CAMK2D: variants seen among roughly 807,000 people sequenced by gnomAD.
The protein encoded by CAMK2D is calcium/calmodulin dependent protein kinase II delta.
In CAMK2D, 37 loss-of-function variants were observed where a neutral mutation model predicts 84.0. The ratio of observed to expected loss-of-function variants is 0.44; its 90% CI spans 0.34 to 0.58. The LOEUF (loss-of-function observed/expected upper bound fraction) is 0.58. CAMK2D is among the 20% of genes least tolerant of loss of function. The pLI, the probability that CAMK2D is intolerant of heterozygous loss-of-function variation, is 0.02. For missense variants in CAMK2D, 448 were observed against 652.5 expected, an observed-to-expected ratio of 0.69 and a Z score of 3.41; for synonymous variants, 202 against 212.5, an observed-to-expected ratio of 0.95 and a Z score of 0.43.
intron 2 of CAMK2D, among the ~76,000 whole-genome samples, chr4:113,703,505 T>C (rs886602061): frequency 6.6e-6 from 1 of 152,138 alleles, no homozygotes; most frequent in Non-Finnish European, 1.5e-5. Context: ...TTTTTATTTG[T>C]AGAGATGCGG....
chr4:113,742,582 T>C (rs1170854807), intron 2 of CAMK2D, among the ~76,000 whole-genome samples: 2 of 151,712 alleles, frequency 1.3e-5, no homozygotes, highest in East Asian at 1.9e-4. Flanking sequence ...TTTTTTTTTT[T>C]CCTCAAGGAG....
chr4:113,592,614 G>C (rs534814467), intron 4 of CAMK2D, among the ~76,000 whole-genome samples: 1 of 152,116 alleles, frequency 6.6e-6, no homozygotes, highest in African/African-American at 2.4e-5. Flanking sequence ...AATGGAGTAT[G>C]ATTTTTTTTA....
chr4:113,487,158 A>G (rs931242083), intron 16 of CAMK2D, among the ~76,000 whole-genome samples: 2 of 152,076 alleles, frequency 1.3e-5, no homozygotes, highest in Non-Finnish European at 2.9e-5. Context: ...TTACTTTATC[A>G]TCTATCATAT....
At chr4:113,527,822 C>T (rs186124620) in intron 8 of CAMK2D, among the ~76,000 whole-genome samples, 1 of 152,170 alleles carries the variant, frequency 6.6e-6, no homozygotes, top group Non-Finnish European at 1.5e-5. Context: ...TTGATATTTA[C>T]AGATATACAA....
chr4:113,547,736 G>A lies in CAMK2D; in HGVS notation c.342-20C>T. 5 of 1,514,906 alleles carry A rather than the reference G, an allele frequency of 3.3e-6. No homozygotes were observed. Among genetic ancestry groups the A allele is most frequent in the Non-Finnish European group, 4.4e-6 (5 of 1,126,928 alleles). The allele number at this position is 1,514,906 out of a possible 1,614,324, so 93.8% of individuals were successfully genotyped here. The stretch of plus-strand genomic sequence containing the variant: ...CAATGACTGCATGCAAACACCAGGG[G>A]GCGTGTGTTAGTTCCAAGCTTACAC... On this transcript the variant is annotated intron_variant, in intron 5 of 20. Transcript: ENST00000511664.
intron 2 of CAMK2D, among the ~76,000 whole-genome samples, chr4:113,665,919 T>A (rs956084696): frequency 2.6e-5 from 4 of 152,206 alleles, no homozygotes; most frequent in Non-Finnish European, 4.4e-5. Context: ...GTAGAAAGAC[T>A]TTTGGATTTT....
In CAMK2D at chr4:113,728,773, A is replaced by G. The variant is rs190692439; in HGVS notation, c.160+30547T>C. Reference sequence around the variant, plus strand: ...TTTTCTTATTTTCAACATGGAAATAATAACAGCACATATGTCACAGGATTT... The same window carrying G: ...TTTTCTTATTTTCAACATGGAAATAGTAACAGCACATATGTCACAGGATTT... On this transcript the variant is annotated intron_variant, in intron 2 of 20. Coordinates refer to ENST00000511664, the MANE Select transcript of CAMK2D (RefSeq NM_001321571.2). Among the ~76,000 whole-genome samples, 11 of 152,318 alleles carry G rather than the reference A, an allele frequency of 7.2e-5. No homozygotes were observed. The East Asian group carries it at 1.3e-3, about 19-fold the overall frequency.
chr4:113,691,702 G>A (rs143659844), intron 2 of CAMK2D, among the ~76,000 whole-genome samples: 318 of 152,138 alleles, frequency 2.1e-3, no homozygotes, highest in Non-Finnish European at 3.4e-3. Flanking sequence ...GCAGTGAGCT[G>A]AGATCACACC....
intron 16 of CAMK2D, among the ~76,000 whole-genome samples, chr4:113,481,043 A>T (rs2097695416): frequency 6.6e-6 from 1 of 152,222 alleles, no homozygotes; most frequent in Admixed American, 6.5e-5. Context: ...CCAGTCTGTG[A>T]TATTTTGTTA....
intron 6 of CAMK2D, among the ~76,000 whole-genome samples, chr4:113,541,419 CAT>C (rs147864074): frequency 6.6e-6 from 1 of 152,234 alleles, no homozygotes; most frequent in Non-Finnish European, 1.5e-5. Context: ...ATGAAAAAAA[CAT>C]AGTTTTAACC....
intron 6 of CAMK2D, among the ~76,000 whole-genome samples, chr4:113,542,959 G>A (rs2098541058): frequency 6.6e-6 from 1 of 152,134 alleles, no homozygotes. Flanking sequence ...AGTAAAGGCA[G>A]CATTCTCTGC....
At chr4:113,506,391 T>C (rs577319213) in intron 13 of CAMK2D, among the ~76,000 whole-genome samples, 2 of 152,348 alleles carry the variant, frequency 1.3e-5, no homozygotes, top group African/African-American at 4.8e-5. Flanking sequence ...TTCTAAACTT[T>C]CCTTTACTGG....
At position 113,664,123 on chromosome 4, in the gene CAMK2D, C is replaced by T. The variant is rs190202154; in HGVS notation, c.161-2351G>A. Among the ~76,000 whole-genome samples the T allele has an allele frequency of 7.2e-5, 11 of 152,294 alleles. No individual in the cohort carries two copies. In the East Asian group the frequency reaches 1.4e-3, roughly 19 times the overall value. On this transcript the variant is annotated intron_variant, in intron 2 of 20. Transcript: ENST00000511664. Reference sequence around the variant, plus strand: ...GGAGAAAAGCCTCAGAAGAAATCAACGCTTCTGACACCTTCATCTTAGACT... The same window carrying T: ...GGAGAAAAGCCTCAGAAGAAATCAATGCTTCTGACACCTTCATCTTAGACT...
At chr4:113,556,045 C>T (rs143732216) in intron 4 of CAMK2D, among the ~76,000 whole-genome samples, 61 of 152,278 alleles carry the variant, frequency 4.0e-4, no homozygotes, top group African/African-American at 1.5e-3. Flanking sequence ...GCCTTCAGGA[C>T]TGTGAGAAAT....
chr4:113,504,509 A>C (rs2098100594), intron 14 of CAMK2D, among the ~76,000 whole-genome samples: 2 of 152,226 alleles, frequency 1.3e-5, no homozygotes, highest in Non-Finnish European at 2.9e-5. Context: ...TTTTAATAAG[A>C]GGGAAACGAG....
At chr4:113,499,695 G>A (rs576300941) in intron 16 of CAMK2D, among the ~76,000 whole-genome samples, 18 of 151,870 alleles carry the variant, frequency 1.2e-4, no homozygotes, top group African/African-American at 1.9e-4. Context: ...TACTGTTACC[G>A]CTGTTTGTCA....
chr4:113,460,813 G>A (rs969888946), intron 17 of CAMK2D, among the ~76,000 whole-genome samples: 2 of 151,978 alleles, frequency 1.3e-5, no homozygotes, highest in South Asian at 2.1e-4. Flanking sequence ...AGCCTCCCTA[G>A]TAGCTGGGAG....
chr4:113,568,022 T>A (rs185060327), intron 4 of CAMK2D, among the ~76,000 whole-genome samples: 135 of 152,328 alleles, frequency 8.9e-4, no homozygotes, highest in African/African-American at 3.1e-3. Context: ...ATTAATAAAA[T>A]CTGTCCACAG....
In CAMK2D at chr4:113,761,094, G is replaced by A; in HGVS notation, c.-26C>T. On this transcript the variant is annotated 5_prime_UTR_variant, in exon 1 of 21. Transcript: ENST00000511664. ...CCTCGGTCCGGGCTGTGCCCTGGCT[G>A]GGAGCGCGACGGACCAGAAGCGAGC... 1 of 1,613,722 alleles carries A rather than the reference G, an allele frequency of 6.2e-7. No individual in the cohort carries two copies. Among genetic ancestry groups the A allele is most frequent in the Non-Finnish European group, 8.5e-7 (1 of 1,179,990 alleles).
Sources: allele counts gnomAD v4.1 joint callset (sites outside exome capture counted in the v4.1 genomes callset), GRCh38; gene constraint gnomAD v4.1.1; transcripts MANE v1.5; gene names NCBI Gene and HGNC (gene_info 2026-07-23, HGNC 2026-07-21).